CPEB2: variants seen among roughly 807,000 people sequenced by gnomAD.
The protein encoded by CPEB2 is cytoplasmic polyadenylation element binding protein 2.
A neutral mutation model predicts 93.6 loss-of-function variants in CPEB2; 56 were observed. The ratio of observed to expected loss-of-function variants is 0.60; its 90% CI spans 0.48 to 0.75. The LOEUF is 0.75. Among genes scored for constraint, CPEB2 ranks in the 30% least tolerant of loss-of-function variants. The pLI, the probability that CPEB2 is intolerant of heterozygous loss-of-function variation, is 0.00. For synonymous variants in CPEB2, 764 were observed against 586.3 expected, an observed-to-expected ratio of 1.30 and a Z score of -4.38; for missense variants, 1,579 against 1,395.1, an observed-to-expected ratio of 1.13 and a Z score of -2.10.
Position 15,062,302 on chromosome 4 carries a change from G to T in CPEB2, c.2877+42G>T, listed in dbSNP as rs766442536. The T allele has an allele frequency of 1.7e-5, 25 of 1,486,176 alleles. 1 individual carries two copies. In the South Asian group the frequency reaches 3.3e-4, roughly 19 times the overall value. 92.1% of individuals were successfully genotyped at this position (1,486,176 alleles called of 1,614,324 possible). On this transcript the variant is annotated intron_variant, in intron 11 of 11. Coordinates refer to ENST00000538197, the MANE Select transcript of CPEB2 (RefSeq NM_001177382.2). ...GAAATCACTTATGTCCTATAATAAG[G>T]TGCTGATCCAAAGCCTCATACCCTA...
intron 1 of CPEB2, chr4:15,006,333 G>C (rs566879344): frequency 6.6e-6 from 1 of 151,678 alleles, no homozygotes; most frequent in African/African-American, 2.4e-5. Context: ...TAACTGTATG[G>C]TTCATACTTC....
chr4:15,066,015 G>A (rs1729676969), intron 11 of CPEB2, 138 bp from the exon 12 acceptor site: 3 of 697,586 alleles, frequency 4.3e-6, no homozygotes, highest in Non-Finnish European at 7.4e-6. Context: ...ACATTGTAAA[G>A]CTCCTTCCTT....
At chr4:15,065,866 TTTTG>T (rs1232235304) in intron 11 of CPEB2, among the ~76,000 whole-genome samples, 4 of 152,196 alleles carry the variant, frequency 2.6e-5, no homozygotes, top group Admixed American at 2.6e-4. Context: ...TTGATATCTC[TTTTG>T]TTTTTCACTC....
chr4:15,016,591 C>G (rs1450810317), intron 3 of CPEB2, among the ~76,000 whole-genome samples: 1 of 151,892 alleles, frequency 6.6e-6, no homozygotes, highest in Non-Finnish European at 1.5e-5. Flanking sequence ...TATGGAAGCA[C>G]TTTAGAGAGT....
rs1218487751 is a variant in CPEB2 at position 15,052,396 on chromosome 4, A to G, written c.2201-18A>G. ...TTCTCAGATCTGAGATTCAAGTTGT[A>G]TTTGTTCTTTATTCTAGGTCGTTCT... On this transcript the variant is annotated intron_variant, in intron 6 of 11. Coordinates refer to ENST00000538197, the MANE Select transcript of CPEB2 (RefSeq NM_001177382.2). 7.1e-7 allele frequency: 1 copy of G among 1,415,408 alleles called. No homozygotes were observed. The allele number at this position is 1,415,408 out of a possible 1,614,324, so 87.7% of individuals were successfully genotyped here. A position where few individuals can be genotyped will look rare whatever the true frequency, so the allele number is the denominator to read the frequency against.
chr4:15,034,178 A>G (rs10452130), intron 5 of CPEB2, among the ~76,000 whole-genome samples: 3,420 of 152,318 alleles, frequency 0.022, 114 homozygotes, highest in African/African-American at 0.07. Flanking sequence ...TTAATCATTC[A>G]GTATTTCACT....
At chr4:15,011,293 G>T (rs1577368327) in intron 3 of CPEB2, among the ~76,000 whole-genome samples, 1 of 151,606 alleles carries the variant, frequency 6.6e-6, no homozygotes, top group South Asian at 2.1e-4. Context: ...CAGAGACAGG[G>T]TTTCACCATG....
At chr4:15,041,319 C>T (rs1488714218) in intron 6 of CPEB2, among the ~76,000 whole-genome samples, 3 of 151,950 alleles carry the variant, frequency 2.0e-5, no homozygotes, top group Non-Finnish European at 4.4e-5. Context: ...CCAAGTGCCA[C>T]ACCGAATAAA....
At chr4:15,016,000 G>A (rs1371138501) in intron 3 of CPEB2, among the ~76,000 whole-genome samples, 1 of 151,876 alleles carries the variant, frequency 6.6e-6, no homozygotes, top group Non-Finnish European at 1.5e-5. Flanking sequence ...CAGAAAGGGG[G>A]GACTACTGTA....
rs1729776311 is a variant in CPEB2 at position 15,067,342 on chromosome 4, A to G, written c.*962A>G. ...TAGTTTTAGATTAGAGAGTGCAGCC[A>G]TTTTGTGATCTGGTCAGTAGTGGAA... On this transcript the variant is annotated 3_prime_UTR_variant, in exon 12 of 12. Transcript: ENST00000538197. 1.3e-5 allele frequency: 2 copies of G among 152,532 alleles called. No individual in the cohort carries two copies. The highest frequency in any genetic ancestry group is 4.8e-5 in the African/African-American group (2 of 41,444). The allele number at this position is 152,532 out of a possible 1,614,324, so 9.4% of individuals were successfully genotyped here.
chr4:15,067,194 A>G lies in CPEB2; in HGVS notation c.*814A>G, dbSNP rs1386272751. The stretch of plus-strand genomic sequence containing the variant: ...GAGGTGAGGTATTGCAAATGTTCAA[A>G]AAAGCTCTCTTGAATCTAGGTAGCA... On this transcript the variant is annotated 3_prime_UTR_variant, in exon 12 of 12. Coordinates refer to ENST00000538197, the MANE Select transcript of CPEB2 (RefSeq NM_001177382.2). The G allele has an allele frequency of 6.6e-6, 1 of 152,554 alleles. No individual in the cohort carries two copies. Among genetic ancestry groups the G allele is most frequent in the African/African-American group, 2.4e-5 (1 of 41,454 alleles). 9.5% of individuals were successfully genotyped at this position (152,554 alleles called of 1,614,324 possible).
intron 4 of CPEB2, among the ~76,000 whole-genome samples, chr4:15,032,759 T>C (rs997995946): frequency 1.9e-4 from 29 of 152,244 alleles, no homozygotes; most frequent in African/African-American, 6.5e-4. Context: ...TGAAATTCTC[T>C]CAAGTTTTAT....
chr4:15,053,015 A>G (rs1214462256), intron 7 of CPEB2, among the ~76,000 whole-genome samples: 1 of 144,732 alleles, frequency 6.9e-6, no homozygotes, highest in South Asian at 2.4e-4. Context: ...ATTTTTATTT[A>G]TTTATTTATT....
intron 9 of CPEB2, among the ~76,000 whole-genome samples, chr4:15,058,939 C>G (rs983404970): frequency 6.6e-6 from 1 of 152,146 alleles, no homozygotes; most frequent in Non-Finnish European, 1.5e-5. Flanking sequence ...GATCTCGAAA[C>G]CATCCTCCAC....
rs1722281663 is a variant in CPEB2 at position 15,003,470 on chromosome 4, C to T, written c.797C>T (p.Pro266Leu). The T allele has an allele frequency of 3.6e-6, 5 of 1,390,470 alleles. No homozygotes were observed. The African/African-American group carries it at 6.1e-5, about 17-fold the overall frequency. 86.1% of individuals were successfully genotyped at this position (1,390,470 alleles called of 1,614,324 possible). Residue 266 changes from proline (P) to leucine (L), a missense_variant, in exon 1 of 12, where the codon CCC (proline) becomes CTC (leucine). Pro to Leu is a moderately conservative substitution (Grantham distance 98). Coordinates refer to ENST00000538197, the MANE Select transcript of CPEB2 (RefSeq NM_001177382.2). ...ADLPPLPQLP[P>L]SPPAAPRRRH... ...CTGCCCCCGCTCCCGCAGCTCCCTC[C>T]CTCGCCGCCTGCAGCCCCGCGGCGC...
intron 6 of CPEB2, among the ~76,000 whole-genome samples, chr4:15,046,311 C>T (rs996297297): frequency 1.8e-4 from 28 of 152,128 alleles, no homozygotes; most frequent in African/African-American, 6.5e-4. Context: ...CTGCAACCTC[C>T]ACCTCCTAGG....
At chr4:15,012,950 A>AT (rs555184194) in intron 3 of CPEB2, among the ~76,000 whole-genome samples, 154 of 152,144 alleles carry the variant, frequency 1.0e-3, no homozygotes, top group African/African-American at 3.2e-3. Flanking sequence ...AAAAAAATTA[A>AT]TATCTCTTCA....
chr4:15,003,371 C>CGCA lies in CPEB2; in HGVS notation c.703_705dup (p.Gln235dup). Reference sequence around the variant, plus strand: ...GCTCAGCGCCAGCAGCAACAGCCGCCGCAGCAGTTCAGCCTCCTGCATCAG... The same window carrying CGCA: ...GCTCAGCGCCAGCAGCAACAGCCGCCGCAGCAGCAGTTCAGCCTCCTGCATCAG... On this transcript the variant is annotated inframe_insertion, in exon 1 of 12. Coordinates refer to ENST00000538197, the MANE Select transcript of CPEB2 (RefSeq NM_001177382.2). The CGCA allele has an allele frequency of 1.4e-6, 2 of 1,385,774 alleles. No homozygotes were observed. Among genetic ancestry groups the CGCA allele is most frequent in the Non-Finnish European group, 1.8e-6 (2 of 1,082,626 alleles). 85.8% of individuals were successfully genotyped at this position (1,385,774 alleles called of 1,614,324 possible). A position where few individuals can be genotyped will look rare whatever the true frequency, so the allele number is the denominator to read the frequency against.
At chr4:15,036,206 A>G (rs1424355181) in intron 5 of CPEB2, among the ~76,000 whole-genome samples, 1 of 152,210 alleles carries the variant, frequency 6.6e-6, no homozygotes, top group Non-Finnish European at 1.5e-5. Context: ...AAATACCTGT[A>G]TATCTCATGA....
Sources: allele counts gnomAD v4.1 joint callset (sites outside exome capture counted in the v4.1 genomes callset), GRCh38; gene constraint gnomAD v4.1.1; transcripts MANE v1.5; gene names NCBI Gene and HGNC (gene_info 2026-07-23, HGNC 2026-07-21).